CROT: variants seen among roughly 807,000 people sequenced by gnomAD.
CROT encodes carnitine O-octanoyltransferase, also known as peroxisomal carnitine O-octanoyltransferase.
Under a neutral mutation model 89.2 loss-of-function variants are expected in CROT, and 84 were observed. The ratio of observed to expected loss-of-function variants is 0.94; its 90% CI spans 0.79 to 1.13. The LOEUF (loss-of-function observed/expected upper bound fraction) is 1.13. Among genes scored for constraint, CROT ranks in the 50% most tolerant of loss-of-function variants. The pLI is 0.00. For missense variants in CROT, 711 were observed against 727.8 expected (o/e 0.98, Z 0.27); for synonymous variants, 212 against 239.5 (o/e 0.89, Z 1.06).
rs778489646 is a variant in CROT at position 87,350,089 on chromosome 7, C to A, written c.115+906C>A. ...GAAATAAAAGCACAATAACTAATAACAATGAATATTATAATACCAAGCATA... is the reference window on the plus strand; with the variant it reads ...GAAATAAAAGCACAATAACTAATAAAAATGAATATTATAATACCAAGCATA... On this transcript the variant is annotated intron_variant, in intron 3 of 17. Coordinates refer to ENST00000331536, the MANE Select transcript of CROT (RefSeq NM_021151.4). 3.3e-5 allele frequency among the ~76,000 whole-genome samples: 5 copies of A among 152,080 alleles called. No individual in the cohort carries two copies. In the East Asian group the frequency reaches 9.6e-4, roughly 29 times the overall value.
chr7:87,367,742 T>C (rs573922078), intron 6 of CROT, among the ~76,000 whole-genome samples: 1 of 152,326 alleles, frequency 6.6e-6, no homozygotes, highest in South Asian at 2.1e-4. Context: ...TATCAGTTTT[T>C]TTCTTTACTT....
chr7:87,384,004 C>T (rs73394196), intron 13 of CROT, among the ~76,000 whole-genome samples: 4,056 of 151,782 alleles, frequency 0.027, 171 homozygotes, highest in African/African-American at 0.093. Flanking sequence ...TCAGACTGTT[C>T]GCCATAGTGG....
intron 13 of CROT, among the ~76,000 whole-genome samples, chr7:87,386,807 T>C (rs1807196426): frequency 6.6e-6 from 1 of 152,172 alleles, no homozygotes. Context: ...GAGTGATCAC[T>C]GAGTTTTGTT....
chr7:87,354,073 A>G (rs2115806709), intron 3 of CROT, among the ~76,000 whole-genome samples: 1 of 152,352 alleles, frequency 6.6e-6, no homozygotes, highest in South Asian at 2.1e-4. Context: ...CTGTTTATTA[A>G]ACATGTTAAA....
intron 13 of CROT, among the ~76,000 whole-genome samples, chr7:87,387,763 C>A (rs1398253484): frequency 6.6e-6 from 1 of 152,058 alleles, no homozygotes; most frequent in Non-Finnish European, 1.5e-5. Flanking sequence ...ACTAGCCTGG[C>A]CAACATGGTA....
rs117465861 is a variant in CROT at position 87,391,788 on chromosome 7, A to G, written c.1425+76A>G. On this transcript the variant is annotated intron_variant, in intron 14 of 17. Coordinates refer to ENST00000331536, the MANE Select transcript of CROT (RefSeq NM_021151.4). The stretch of plus-strand genomic sequence containing the variant: ...AGGAACCGTGGTCTTTGAGTAACTA[A>G]CTTCTTTGCTTCAGTTTTCCTGGAT... 3.6e-3 allele frequency: 5,053 copies of G among 1,413,430 alleles called. 32 individuals carry two copies. Among genetic ancestry groups the G allele is most frequent in the South Asian group, 6.1e-3 (457 of 75,414 alleles). 87.6% of individuals were successfully genotyped at this position (1,413,430 alleles called of 1,614,324 possible).
At chr7:87,358,630 G>A (rs1562928817) in intron 3 of CROT, among the ~76,000 whole-genome samples, 2 of 151,918 alleles carry the variant, frequency 1.3e-5, no homozygotes. Context: ...ATAAGGAAGA[G>A]AAAAATATAT....
chr7:87,354,730 CT>C (rs1296981133), intron 3 of CROT, among the ~76,000 whole-genome samples: 1 of 152,058 alleles, frequency 6.6e-6, no homozygotes, highest in African/African-American at 2.4e-5. Flanking sequence ...GATTCTGAGA[CT>C]TTTTAAAAGA....
intron 4 of CROT, chr7:87,359,775 G>A (rs193133754): frequency 1.0e-6 from 1 of 988,396 alleles, no homozygotes; most frequent in East Asian, 1.1e-4. Context: ...GAATGGTTAT[G>A]TATATTGTAT....
chr7:87,366,138 G>A (rs977421179), intron 6 of CROT, among the ~76,000 whole-genome samples: 8 of 152,054 alleles, frequency 5.3e-5, no homozygotes, highest in Admixed American at 3.3e-4. Flanking sequence ...TGGAGCTCAC[G>A]ATCAGCAAAA....
chr7:87,392,865 C>T (rs1223489583), intron 16 of CROT, 42 bp downstream of exon 16: 1 of 1,609,208 alleles, frequency 6.2e-7, no homozygotes, highest in Non-Finnish European at 8.5e-7. Context: ...AATTGGCTTC[C>T]TCTTTTTGTA....
At chr7:87,362,336 G>A (rs865801141) in intron 6 of CROT, among the ~76,000 whole-genome samples, 1 of 147,170 alleles carries the variant, frequency 6.8e-6, no homozygotes, top group African/African-American at 2.5e-5. Flanking sequence ...TTGAGACAGG[G>A]TCTCACTCTG....
chr7:87,347,289 T>C (rs1805715377), intron 2 of CROT, among the ~76,000 whole-genome samples: 1 of 152,236 alleles, frequency 6.6e-6, no homozygotes, highest in African/African-American at 2.4e-5. Flanking sequence ...TTGGGGGCCA[T>C]TCATAGTAAT....
At chr7:87,350,544 G>A (rs74879491) in intron 3 of CROT, among the ~76,000 whole-genome samples, 6,556 of 152,132 alleles carry the variant, frequency 0.043, 319 homozygotes, top group African/African-American at 0.12. Context: ...CTATTTTTCA[G>A]TTGGTGAGGA....
At chr7:87,387,116 G>A (rs1173953542) in intron 13 of CROT, among the ~76,000 whole-genome samples, 1 of 151,416 alleles carries the variant, frequency 6.6e-6, no homozygotes, top group African/African-American at 2.4e-5. Flanking sequence ...CTGGCCCCTG[G>A]GATCATCACA....
At chr7:87,380,047 G>A (rs1806940049) in intron 10 of CROT, among the ~76,000 whole-genome samples, 1 of 152,034 alleles carries the variant, frequency 6.6e-6, no homozygotes, top group Admixed American at 6.6e-5. Flanking sequence ...GGAGGTCCAG[G>A]TTGCAGTGAG....
intron 4 of CROT, among the ~76,000 whole-genome samples, chr7:87,360,723 G>A (rs1029433355): frequency 6.6e-6 from 1 of 152,074 alleles, no homozygotes; most frequent in Non-Finnish European, 1.5e-5. Context: ...TTATTATTAG[G>A]TAAGGATTTA....
rs748245354 is a variant in CROT, at chr7:87,398,664, C to T, written c.*20C>T. 6 of 1,609,190 alleles carry T rather than the reference C, an allele frequency of 3.7e-6. No individual in the cohort carries two copies. Among genetic ancestry groups the T allele is most frequent in the Non-Finnish European group, 5.1e-6 (6 of 1,178,350 alleles). Reference sequence around the variant, plus strand: ...CTTTAGAGATGAATCATCTATTAAGCACTTACCAAAACATATCATTAAACT... The same window carrying T: ...CTTTAGAGATGAATCATCTATTAAGTACTTACCAAAACATATCATTAAACT... On this transcript the variant is annotated 3_prime_UTR_variant, in exon 18 of 18. Coordinates refer to ENST00000331536, the MANE Select transcript of CROT (RefSeq NM_021151.4).
At chr7:87,354,775 T>TA (rs1439965946) in intron 3 of CROT, among the ~76,000 whole-genome samples, 1 of 152,232 alleles carries the variant, frequency 6.6e-6, no homozygotes, top group Non-Finnish European at 1.5e-5. Flanking sequence ...AAATTTCTTG[T>TA]AATTTTATTA....
Sources: gnomAD v4.1 joint callset for allele counts (sites outside exome capture counted in the v4.1 genomes callset) on GRCh38, gnomAD v4.1.1 for gene constraint, MANE v1.5 for transcripts, NCBI Gene and HGNC (gene_info 2026-07-23, HGNC 2026-07-21) for gene names.